IL1RAP: variants seen among roughly 807,000 people sequenced by gnomAD.
The protein encoded by IL1RAP is interleukin-1 receptor accessory protein.
Under a neutral mutation model 60.7 loss-of-function variants are expected in IL1RAP, and 35 were observed. The ratio of observed to expected loss-of-function variants is 0.58; its 90% CI spans 0.44 to 0.76. The LOEUF (loss-of-function observed/expected upper bound fraction) is 0.76, where lower values mean the gene tolerates loss of function less well. Among genes scored for constraint, IL1RAP ranks in the 30% least tolerant of loss-of-function variants. IL1RAP has a pLI of 0.00. For missense variants in IL1RAP, 572 were observed against 693.9 expected, an observed-to-expected ratio of 0.82 and a Z score of 1.97; for synonymous variants, 268 against 250.9, an observed-to-expected ratio of 1.07 and a Z score of -0.64.
chr3:190,525,179 A>T (rs188498479), intron 1 of IL1RAP, among the ~76,000 whole-genome samples: 33 of 152,326 alleles, frequency 2.2e-4, no homozygotes, highest in African/African-American at 7.0e-4. Context: ...AGACAAACAG[A>T]AGAAATAGAA....
chr3:190,645,930 A>C lies in IL1RAP; in HGVS notation c.1345+88A>C, dbSNP rs1304890356. 5 of 1,129,758 alleles carry C rather than the reference A, an allele frequency of 4.4e-6. No homozygotes were observed. In the African/African-American group the frequency reaches 4.7e-5, roughly 11 times the overall value. The allele number at this position is 1,129,758 out of a possible 1,614,324, so 70.0% of individuals were successfully genotyped here. ...GCATTATGGGAGAGAGTCATGGCAC[A>C]GCATCTTTGGATATTTAATGTCCGA... On this transcript the variant is annotated intron_variant, in intron 11 of 11. Coordinates refer to ENST00000447382, the MANE Select transcript of IL1RAP (RefSeq NM_002182.4).
chr3:190,609,292 C>T, intron 5 of IL1RAP, 111 bp downstream of exon 5: 1 of 713,952 alleles, frequency 1.4e-6, no homozygotes, highest in African/African-American at 1.8e-5. Flanking sequence ...ATTATCTGAT[C>T]TATTCCGTAA....
intron 3 of IL1RAP, among the ~76,000 whole-genome samples, chr3:190,576,745 A>T (rs1010780479): frequency 3.3e-5 from 5 of 152,202 alleles, no homozygotes; most frequent in African/African-American, 1.2e-4. Context: ...CTTGTAATGA[A>T]CCATACATGC....
chr3:190,644,124 T>C (rs970706767), intron 9 of IL1RAP, 124 bp from the exon 10 acceptor site: 3 of 1,443,278 alleles, frequency 2.1e-6, no homozygotes, highest in African/African-American at 2.9e-5. Flanking sequence ...ATGTTATCTC[T>C]GATTGTTCAT....
chr3:190,614,202 A>G (rs1402116637), intron 5 of IL1RAP, among the ~76,000 whole-genome samples: 1 of 150,560 alleles, frequency 6.6e-6, no homozygotes, highest in Non-Finnish European at 1.5e-5. Flanking sequence ...TTGCATTACT[A>G]AAAGAGACAT....
At chr3:190,544,615 C>T (rs1318625099) in intron 1 of IL1RAP, among the ~76,000 whole-genome samples, 1 of 152,156 alleles carries the variant, frequency 6.6e-6, no homozygotes, top group African/African-American at 2.4e-5. Context: ...CTTACACAGT[C>T]AAACTCCACC....
intron 3 of IL1RAP, among the ~76,000 whole-genome samples, chr3:190,589,166 A>G (rs1473325289): frequency 6.6e-6 from 1 of 152,094 alleles, no homozygotes; most frequent in Non-Finnish European, 1.5e-5. Flanking sequence ...GTGTTCAGAA[A>G]CTTAGACCAG....
intron 3 of IL1RAP, among the ~76,000 whole-genome samples, chr3:190,580,214 A>C (rs1295244504): frequency 6.6e-6 from 1 of 152,212 alleles, no homozygotes; most frequent in Non-Finnish European, 1.5e-5. Flanking sequence ...GTATATACCT[A>C]TTTGAGGTAT....
At chr3:190,549,967 C>G (rs912814370) in intron 1 of IL1RAP, among the ~76,000 whole-genome samples, 1 of 152,196 alleles carries the variant, frequency 6.6e-6, no homozygotes, top group Non-Finnish European at 1.5e-5. Flanking sequence ...TGGTTCCCTT[C>G]TCTTCCTAGC....
At chr3:190,636,886 T>C (rs1470630453) in intron 9 of IL1RAP, among the ~76,000 whole-genome samples, 1 of 152,166 alleles carries the variant, frequency 6.6e-6, no homozygotes, top group East Asian at 1.9e-4. Context: ...CTAGACTAAT[T>C]GGTATTTTCA....
downstream of IL1RAP, among the ~76,000 whole-genome samples, chr3:190,652,747 A>C (rs1282706999): frequency 6.6e-6 from 1 of 152,182 alleles, no homozygotes; most frequent in Non-Finnish European, 1.5e-5. Context: ...ATTTTCATTG[A>C]GATTTTGTAT....
At chr3:190,629,102 T>C (rs756682264) in intron 8 of IL1RAP, among the ~76,000 whole-genome samples, 17 of 152,206 alleles carry the variant, frequency 1.1e-4, no homozygotes, top group Non-Finnish European at 2.2e-4. Flanking sequence ...GAGAGATCTA[T>C]AAAAAGAAGC....
At chr3:190,581,769 CAACAGCCATTG>C (rs1274618593) in intron 3 of IL1RAP, among the ~76,000 whole-genome samples, 1 of 152,104 alleles carries the variant, frequency 6.6e-6, no homozygotes, top group Non-Finnish European at 1.5e-5. Flanking sequence ...TTTATTCATT[CAACAGCCATTG>C]TTTGAGGTAT....
At chr3:190,624,376 G>A (rs534153636) in intron 7 of IL1RAP, among the ~76,000 whole-genome samples, 17 of 152,288 alleles carry the variant, frequency 1.1e-4, no homozygotes, top group Middle Eastern at 3.4e-3. Flanking sequence ...TTTAAGAATC[G>A]CGCTGGCCTT....
chr3:190,550,608 A>G (rs1390914481), intron 1 of IL1RAP: 1 of 152,192 alleles, frequency 6.6e-6, no homozygotes, highest in Non-Finnish European at 1.5e-5. Flanking sequence ...GCTGATGGAT[A>G]TACTATTTAT....
chr3:190,568,856 G>A (rs1053589623), intron 3 of IL1RAP, among the ~76,000 whole-genome samples: 2 of 152,144 alleles, frequency 1.3e-5, no homozygotes, highest in African/African-American at 2.4e-5. Context: ...AAGATCATGC[G>A]TTTGACCATT....
At chr3:190,572,445 A>T (rs182278255) in intron 3 of IL1RAP, among the ~76,000 whole-genome samples, 36 of 84,236 alleles carry the variant, frequency 4.3e-4, no homozygotes, top group African/African-American at 9.9e-4. Context: ...GGAGAGAGGA[A>T]GAGAGAGAGA....
chr3:190,656,570 C>A lies in IL1RAP; in HGVS notation c.2027C>A (p.Thr676Lys), dbSNP rs556278661. 1.7e-5 allele frequency: 26 copies of A among 1,532,412 alleles called. No homozygotes were observed. In the South Asian group the frequency reaches 3.0e-4, roughly 18 times the overall value. 94.9% of individuals were successfully genotyped at this position (1,532,412 alleles called of 1,614,324 possible). A position where few individuals can be genotyped will look rare whatever the true frequency, so the allele number is the denominator to read the frequency against. ...TCAGCCCTTGCTCTTCATCATTTCACGGACTTATCCAATAACAACGACTTT... is the reference window on the plus strand; with the variant it reads ...TCAGCCCTTGCTCTTCATCATTTCAAGGACTTATCCAATAACAACGACTTT... Residue 676 changes from threonine (T) to lysine (K), a missense_variant, in exon 12 of 12, where the codon ACG becomes AAG. Thr to Lys is a moderately conservative substitution (Grantham distance 78). Transcript: ENST00000317757.
At chr3:190,522,809 A>C (rs572107900) in intron 1 of IL1RAP, among the ~76,000 whole-genome samples, 2 of 152,292 alleles carry the variant, frequency 1.3e-5, no homozygotes, top group Non-Finnish European at 2.9e-5. Flanking sequence ...CAACAGAATC[A>C]TGTGGATACC....
Sources: gnomAD v4.1 joint callset for allele counts (sites outside exome capture counted in the v4.1 genomes callset) on GRCh38, gnomAD v4.1.1 for gene constraint, MANE v1.5 for transcripts, NCBI Gene and HGNC (gene_info 2026-07-23, HGNC 2026-07-21) for gene names.